TRIP11: variants seen among roughly 807,000 people sequenced by gnomAD.
TRIP11 encodes thyroid receptor-interacting protein 11.
Under a neutral mutation model 223.1 loss-of-function variants are expected in TRIP11, and 148 were observed. The observed-to-expected ratio is 0.66, with a 90% confidence interval of 0.58 to 0.76. The LOEUF (loss-of-function observed/expected upper bound fraction) is 0.76. Ranked by LOEUF, TRIP11 falls within the 30% of genes least tolerant of loss-of-function variation. The pLI, the probability that TRIP11 is intolerant of heterozygous loss-of-function variation, is 0.00. For missense variants in TRIP11, 2,043 were observed against 2,222.0 expected (o/e 0.92, Z 1.62); for synonymous variants, 762 against 772.6 (o/e 0.99, Z 0.23).
chr14:92,016,663 C>T (rs977514771), intron 5 of TRIP11, among the ~76,000 whole-genome samples: 1 of 152,106 alleles, frequency 6.6e-6, no homozygotes, highest in Non-Finnish European at 1.5e-5. Context: ...TATAAATTAA[C>T]TTCTTACTTA....
In TRIP11 at chr14:91,981,008, A is replaced by ATTTTTTT. The variant is rs1211000138; in HGVS notation, c.5261-4820_5261-4819insAAAAAAA. On this transcript the variant is annotated intron_variant, in intron 16 of 20. Coordinates refer to ENST00000267622, the MANE Select transcript of TRIP11 (RefSeq NM_004239.4). ...ATGTATATTATATATATATATATAT[A>ATTTTTTT]TATATTTTTTTTTTTTTTTTTTTTT... Among the ~76,000 whole-genome samples the ATTTTTTT allele has an allele frequency of 4.7e-4, 37 of 78,284 alleles. 1 individual carries two copies. Among genetic ancestry groups the ATTTTTTT allele is most frequent in the African/African-American group, 1.3e-3 (20 of 15,538 alleles). The allele number at this position is 78,284 out of a possible 152,430, so 51.4% of individuals were successfully genotyped here.
At chr14:92,031,606 A>G (rs1261232551) in intron 2 of TRIP11, among the ~76,000 whole-genome samples, 2 of 152,184 alleles carry the variant, frequency 1.3e-5, no homozygotes, top group African/African-American at 4.8e-5. Flanking sequence ...AAAGAACTAG[A>G]AGTAATAATA....
At chr14:91,971,713 T>C (rs1409420786) in intron 20 of TRIP11, among the ~76,000 whole-genome samples, 3 of 152,132 alleles carry the variant, frequency 2.0e-5, no homozygotes, top group African/African-American at 4.8e-5. Context: ...AAAACTGTTT[T>C]CAGTATAGCC....
rs2056881294 is a variant in TRIP11, at chr14:92,005,089, C to T, written c.2887G>A (p.Glu963Lys). The T allele has an allele frequency of 6.2e-7, 1 of 1,613,858 alleles. No individual in the cohort carries two copies. Among genetic ancestry groups the T allele is most frequent in the East Asian group, 2.2e-5 (1 of 44,886 alleles). The change falls in exon 11 of 21, where the codon GAG (glutamate) becomes AAG (lysine). Residue 963 changes from glutamate (E) to lysine (K), a missense_variant. Glu to Lys is a moderately conservative substitution (Grantham distance 56, BLOSUM62 1). Coordinates refer to ENST00000267622, the MANE Select transcript of TRIP11 (RefSeq NM_004239.4). Reference protein sequence around the residue: ...THTQLFLEKDEEIKSLQKTIE... With the variant: ...THTQLFLEKDKEIKSLQKTIE... ...GTTTTTTGCAAACTCTTAATTTCCT[C>T]ATCCTTCTCTAAAAAGAGCTGGGTG... is the stretch of plus-strand genomic sequence containing the variant.
chr14:92,031,978 C>T (rs1361174405), intron 2 of TRIP11, among the ~76,000 whole-genome samples: 1 of 152,026 alleles, frequency 6.6e-6, no homozygotes, highest in Non-Finnish European at 1.5e-5. Flanking sequence ...CACCACCACA[C>T]CTTGACTAAT....
chr14:92,011,958 A>C lies in TRIP11; in HGVS notation c.1187-163T>G, dbSNP rs187745004. On this transcript the variant is annotated intron_variant, in intron 7 of 20. Transcript: ENST00000267622. The stretch of plus-strand genomic sequence containing the variant: ...TATATTTGTATTCCTGTTTTGTCAT[A>C]TCAAATAAATCATAATGTAAATGCC... Among the ~76,000 whole-genome samples the C allele has an allele frequency of 5.3e-4, 80 of 152,322 alleles. 1 individual carries two copies. The East Asian group carries it at 0.014, about 28-fold the overall frequency.
intron 15 of TRIP11, among the ~76,000 whole-genome samples, chr14:91,988,784 T>G (rs1159023278): frequency 6.6e-6 from 1 of 152,214 alleles, no homozygotes; most frequent in Admixed American, 6.5e-5. Flanking sequence ...AAATTTTATT[T>G]CCCTGACCAC....
chr14:92,022,406 T>C (rs1439694638), intron 3 of TRIP11, among the ~76,000 whole-genome samples: 1 of 152,206 alleles, frequency 6.6e-6, no homozygotes, highest in African/African-American at 2.4e-5. Flanking sequence ...CCCATGGTTA[T>C]TAGCCCATGA....
At position 91,969,725 on chromosome 14, in the gene TRIP11, G is replaced by A. The variant is rs2056377613; in HGVS notation, c.5888C>T (p.Ala1963Val). 12 of 1,613,238 alleles carry A rather than the reference G, an allele frequency of 7.4e-6. No individual in the cohort carries two copies. The highest frequency in any genetic ancestry group is 6.6e-5 in the South Asian group (6 of 91,024). ...DVLPTFTPLP[A>V]LPDNSAGVVL... is the part of the protein sequence containing the mutation. The stretch of plus-strand genomic sequence containing the variant: ...AACCCCAGCACTGTTGTCAGGTAAC[G>A]CTGGCAAAGGTGTAAATGTGGGCAA... The change falls in exon 21 of 21, where the codon GCG becomes GTG. Residue 1963 changes from alanine (A) to valine (V), a missense_variant. Transcript: ENST00000267622.
rs1158294227 is a variant in TRIP11, at chr14:92,015,916, C to T, written c.658-55G>A. The T allele has an allele frequency of 5.5e-6, 8 of 1,464,058 alleles. No individual in the cohort carries two copies. In the Admixed American group the frequency reaches 9.7e-5, roughly 18 times the overall value. 90.7% of individuals were successfully genotyped at this position (1,464,058 alleles called of 1,614,324 possible). ...TTTATAATCAATAAATTTATGTAAG[C>T]TATATATTTAACTGTTGTCCAAAAG... On this transcript the variant is annotated intron_variant, in intron 5 of 20. Transcript: ENST00000267622.
intron 1 of TRIP11, 138 bp from the exon 2 acceptor site, chr14:92,033,391 G>A (rs191271920): frequency 7.8e-5 from 53 of 682,134 alleles, no homozygotes; most frequent in African/African-American, 1.6e-4. Context: ...GAAACAAATC[G>A]CTTTATTTCC....
chr14:92,028,715 A>G lies in TRIP11; in HGVS notation c.202-3295T>C, dbSNP rs990130552. Reference sequence around the variant, plus strand: ...AAGGAGAAAAGAATAAATGCATAGAAAGAAGAAAAGAGAGTACAAATGAAA... The same window carrying G: ...AAGGAGAAAAGAATAAATGCATAGAGAGAAGAAAAGAGAGTACAAATGAAA... On this transcript the variant is annotated intron_variant, in intron 2 of 20. Coordinates refer to ENST00000267622, the MANE Select transcript of TRIP11 (RefSeq NM_004239.4). Among the ~76,000 whole-genome samples, 3 of 152,312 alleles carry G rather than the reference A, an allele frequency of 2.0e-5. No individual in the cohort carries two copies. In the East Asian group the frequency reaches 5.8e-4, roughly 29 times the overall value.
chr14:92,011,102 G>T (rs760128212), intron 8 of TRIP11, 30 bp from the exon 9 acceptor site: 2 of 1,602,004 alleles, frequency 1.2e-6, no homozygotes, highest in Non-Finnish European at 1.7e-6. Flanking sequence ...GTGTTTTCAG[G>T]TAACAAGAAA....
At position 92,003,623 on chromosome 14, in the gene TRIP11, T is replaced by C; in HGVS notation, c.4353A>G (p.Ile1451Met). ...RQAVTNLKERILILEMDIGKL... is the reference protein window; with the variant it reads ...RQAVTNLKERMLILEMDIGKL... ...TGCCAATGTCCATCTCTAGAATTAA[T>C]ATTCTCTCCTTCAGGTTTGTTACTG... The change falls in exon 11 of 21, where the codon ATA becomes ATG. Residue 1451 changes from isoleucine to methionine, a missense_variant. Physicochemically the swap from Ile to Met is conservative, Grantham distance 10 (BLOSUM62 1). Coordinates refer to ENST00000267622, the MANE Select transcript of TRIP11 (RefSeq NM_004239.4). 6.2e-7 allele frequency: 1 copy of C among 1,614,208 alleles called. No homozygotes were observed. The highest frequency in any genetic ancestry group is 8.5e-7 in the Non-Finnish European group (1 of 1,180,026).
intron 16 of TRIP11, among the ~76,000 whole-genome samples, chr14:91,983,601 T>C (rs1394273801): frequency 6.6e-6 from 1 of 152,276 alleles, no homozygotes. Context: ...ATACACTTTT[T>C]TCTTAACTCA....
At chr14:92,026,748 G>GGAA in intron 2 of TRIP11, 3 of 1,087,958 alleles carry the variant, frequency 2.8e-6, no homozygotes, top group Non-Finnish European at 4.2e-6. Flanking sequence ...AAGAGGAGGA[G>GGAA]GAAGAAGAAG....
chr14:91,998,806 C>A (rs1246457805), intron 13 of TRIP11, among the ~76,000 whole-genome samples: 2 of 152,154 alleles, frequency 1.3e-5, no homozygotes, highest in African/African-American at 4.8e-5. Context: ...TTCATACTGA[C>A]CTTGGTCTCT....
At position 91,988,914 on chromosome 14, in the gene TRIP11, C is replaced by T. The variant is rs190393689; in HGVS notation, c.5161-531G>A. On this transcript the variant is annotated intron_variant, in intron 15 of 20. Transcript: ENST00000267622. ...ACTGAGTTCTATTTCTCCTGTCCAT[C>T]TGTAAGAGCACCTTGTATAGCAGAT... 2.0e-4 allele frequency among the ~76,000 whole-genome samples: 31 copies of T among 152,326 alleles called. No homozygotes were observed. In the East Asian group the frequency reaches 5.6e-3, roughly 27 times the overall value.
intron 11 of TRIP11, among the ~76,000 whole-genome samples, chr14:92,001,949 T>G (rs1356476329): frequency 2.0e-5 from 3 of 152,190 alleles, no homozygotes; most frequent in African/African-American, 7.2e-5. Flanking sequence ...AAATGAAGTT[T>G]TCACAACTTT....
Sources: allele counts gnomAD v4.1 joint callset (sites outside exome capture counted in the v4.1 genomes callset), GRCh38; gene constraint gnomAD v4.1.1; transcripts MANE v1.5; gene names NCBI Gene and HGNC (gene_info 2026-07-23, HGNC 2026-07-21).